PDE1C: variants seen among roughly 807,000 people sequenced by gnomAD.
PDE1C encodes the protein dual specificity calcium/calmodulin-dependent 3',5'-cyclic nucleotide phosphodiesterase 1C.
PDE1C carries 62 observed loss-of-function variants against 93.1 expected under a neutral mutation model. That is an observed-to-expected ratio of 0.67 (90% CI 0.54 to 0.82). PDE1C has a LOEUF of 0.82. Ranked by LOEUF, PDE1C falls within the 40% of genes least tolerant of loss-of-function variation. PDE1C has a pLI of 0.00. For synonymous variants in PDE1C, 325 were observed against 310.1 expected, an observed-to-expected ratio of 1.05 and a Z score of -0.50; for missense variants, 742 against 884.6, an observed-to-expected ratio of 0.84 and a Z score of 2.04.
chr7:32,279,301 G>T (rs1024213460), intron 1 of PDE1C, among the ~76,000 whole-genome samples: 26 of 152,078 alleles, frequency 1.7e-4, no homozygotes, highest in African/African-American at 6.0e-4. Flanking sequence ...AAAGATAAAA[G>T]GTAAAGAAAA....
intron 1 of PDE1C, among the ~76,000 whole-genome samples, chr7:32,393,668 G>A (rs960690070): frequency 6.6e-6 from 1 of 152,034 alleles, no homozygotes; most frequent in Non-Finnish European, 1.5e-5. Context: ...AAAATAGCTG[G>A]CATTTTTAGA....
At chr7:32,278,290 G>C (rs948023933) in intron 1 of PDE1C, among the ~76,000 whole-genome samples, 1 of 152,032 alleles carries the variant, frequency 6.6e-6, no homozygotes, top group Non-Finnish European at 1.5e-5. Context: ...GAATATAGAG[G>C]GAAAGAACTG....
chr7:31,988,218 G>A (rs536838834), intron 2 of PDE1C, among the ~76,000 whole-genome samples: 1 of 152,288 alleles, frequency 6.6e-6, no homozygotes, highest in Admixed American at 6.5e-5. Context: ...GCCAGTCTCT[G>A]GGGGCCTTAC....
chr7:32,232,869 A>G (rs1177346804), intron 1 of PDE1C, among the ~76,000 whole-genome samples: 1 of 152,236 alleles, frequency 6.6e-6, no homozygotes, highest in East Asian at 1.9e-4. Flanking sequence ...AAGGCTGGTC[A>G]AAACTTTCAA....
chr7:31,822,691 G>A (rs543635888), intron 14 of PDE1C, among the ~76,000 whole-genome samples: 16 of 152,254 alleles, frequency 1.1e-4, no homozygotes, highest in African/African-American at 3.8e-4. Flanking sequence ...GCCAAGGCAA[G>A]GTGGCTATTA....
intron 14 of PDE1C, among the ~76,000 whole-genome samples, chr7:31,822,649 A>G (rs982684605): frequency 6.6e-6 from 1 of 152,198 alleles, no homozygotes; most frequent in Non-Finnish European, 1.5e-5. Flanking sequence ...TGCCTGTAAG[A>G]AAATTAAAGC....
At chr7:32,261,862 C>T (rs886264769) in intron 1 of PDE1C, among the ~76,000 whole-genome samples, 2 of 152,126 alleles carry the variant, frequency 1.3e-5, no homozygotes, top group African/African-American at 4.8e-5. Flanking sequence ...TAATATGCCA[C>T]CAGTTTTAAA....
intron 1 of PDE1C, among the ~76,000 whole-genome samples, chr7:32,355,373 G>C (rs934771637): frequency 6.6e-6 from 1 of 152,202 alleles, no homozygotes; most frequent in Non-Finnish European, 1.5e-5. Context: ...AAGAGGGGCA[G>C]TGCACACTCC....
At chr7:32,053,023 T>C (rs1793596042) in intron 1 of PDE1C, among the ~76,000 whole-genome samples, 1 of 152,194 alleles carries the variant, frequency 6.6e-6, no homozygotes, top group African/African-American at 2.4e-5. Context: ...GATATTTCCA[T>C]GTTTATATTA....
At position 31,837,960 on chromosome 7, in the gene PDE1C, G is replaced by C. The variant is rs201257468; in HGVS notation, c.992C>G (p.Thr331Ser). The C allele has an allele frequency of 6.2e-7, 1 of 1,609,912 alleles. No homozygotes were observed. The highest frequency in any genetic ancestry group is 1.7e-4 in the Middle Eastern group (1 of 6,052). Residue 331 changes from threonine to serine, a missense_variant, in exon 10 of 18, where the codon ACC becomes AGC. Coordinates refer to ENST00000396191, the MANE Select transcript of PDE1C (RefSeq NM_001191057.4). ...GGCCATCACCATTTCAATTACCAAG[G>C]TTCGAAACTCCCTTTTAGAGACAAC... ...LSKDDWREFR[T>S]LVIEMVMATD... is the part of the protein sequence containing the mutation.
intron 2 of PDE1C, among the ~76,000 whole-genome samples, chr7:31,909,150 C>T (rs1238460120): frequency 6.6e-6 from 1 of 152,134 alleles, no homozygotes; most frequent in East Asian, 1.9e-4. Context: ...GAGGCAATTA[C>T]TCCTGTCCTC....
intron 2 of PDE1C, among the ~76,000 whole-genome samples, chr7:31,994,335 G>A (rs1784473380): frequency 6.6e-6 from 1 of 151,954 alleles, no homozygotes; most frequent in Non-Finnish European, 1.5e-5. Flanking sequence ...AAAAATTGAG[G>A]CATTTCAAAA....
At chr7:32,210,026 A>G (rs1055330642) in intron 1 of PDE1C, among the ~76,000 whole-genome samples, 2 of 152,198 alleles carry the variant, frequency 1.3e-5, no homozygotes, top group Non-Finnish European at 2.9e-5. Flanking sequence ...TATGTTCAGA[A>G]AGATATTAAA....
At chr7:31,757,630 T>G (rs148577457) in intron 17 of PDE1C, among the ~76,000 whole-genome samples, 33,573 of 151,868 alleles carry the variant, frequency 0.22, 3,860 homozygotes, top group Admixed American at 0.27. Flanking sequence ...TGGCGATCAT[T>G]AAAAAGTCAG....
At chr7:32,173,005 C>T (rs1802754340) in intron 2 of PDE1C, among the ~76,000 whole-genome samples, 2 of 152,146 alleles carry the variant, frequency 1.3e-5, no homozygotes, top group South Asian at 4.2e-4. Flanking sequence ...AATCCCATTG[C>T]TGGGTATATA....
At chr7:31,803,676 C>T (rs1190208917) in intron 16 of PDE1C, among the ~76,000 whole-genome samples, 2 of 151,916 alleles carry the variant, frequency 1.3e-5, no homozygotes, top group Non-Finnish European at 2.9e-5. Flanking sequence ...CGACAGTTTG[C>T]TGAGAATGAT....
chr7:32,138,779 A>T (rs1800348589), intron 3 of PDE1C, among the ~76,000 whole-genome samples: 1 of 152,192 alleles, frequency 6.6e-6, no homozygotes, highest in African/African-American at 2.4e-5. Context: ...AAATTTTCTA[A>T]ATGTTGACCC....
chr7:31,750,259 G>A (rs917487480), downstream of PDE1C, among the ~76,000 whole-genome samples: 1 of 151,146 alleles, frequency 6.6e-6, no homozygotes, highest in African/African-American at 2.4e-5. Flanking sequence ...TCAGTCATGA[G>A]GGCAAGAGAC....
At chr7:31,801,511 T>C (rs1786037250) in intron 16 of PDE1C, among the ~76,000 whole-genome samples, 1 of 151,484 alleles carries the variant, frequency 6.6e-6, no homozygotes, top group Admixed American at 6.6e-5. Context: ...ATGCCAATTA[T>C]GTCAAGTTGA....
Sources: allele counts gnomAD v4.1 joint callset (sites outside exome capture counted in the v4.1 genomes callset), GRCh38; gene constraint gnomAD v4.1.1; transcripts MANE v1.5; gene names NCBI Gene and HGNC (gene_info 2026-07-23, HGNC 2026-07-21).